BBS9: variants seen among roughly 807,000 people sequenced by gnomAD.
The protein encoded by BBS9 is Bardet-Biedl syndrome 9.
A neutral mutation model predicts 117.7 loss-of-function variants in BBS9; 89 were observed. The observed-to-expected ratio is 0.76, with a 90% CI of 0.64 to 0.90. BBS9 has a LOEUF of 0.90. Ranked by LOEUF, BBS9 falls within the 40% of genes least tolerant of loss-of-function variation. The pLI is 0.00. For missense variants in BBS9, 982 were observed against 1,042.2 expected, an observed-to-expected ratio of 0.94 and a Z score of 0.80; for synonymous variants, 379 against 370.9, an observed-to-expected ratio of 1.02 and a Z score of -0.25.
intron 19 of BBS9, among the ~76,000 whole-genome samples, chr7:33,459,847 T>C (rs1258456881): frequency 3.3e-5 from 5 of 152,160 alleles, no homozygotes; most frequent in Non-Finnish European, 7.4e-5. Flanking sequence ...ACTTGGTCTT[T>C]ACCATATATT....
chr7:33,480,302 C>A (rs1842356238), intron 19 of BBS9, among the ~76,000 whole-genome samples: 1 of 152,092 alleles, frequency 6.6e-6, no homozygotes. Flanking sequence ...TTATTTTGTG[C>A]AAGGCTCTAT....
Position 33,586,968 on chromosome 7 carries a change from A to G in BBS9, c.2522-17897A>G, listed in dbSNP as rs116788851. ...ACTATGCTCACTCCCTGAGTGATGG[A>G]TCCATTCATACGCCAAGCTTCAGGA... is the stretch of plus-strand genomic sequence containing the variant. On this transcript the variant is annotated intron_variant, in intron 21 of 22. Transcript: ENST00000242067. Among the ~76,000 whole-genome samples, 788 of 152,162 alleles carry G rather than the reference A, an allele frequency of 5.2e-3. 7 individuals are homozygous for G. Among genetic ancestry groups the G allele is most frequent in the African/African-American group, 0.019 (771 of 41,532 alleles).
At chr7:33,532,059 A>G (rs1354365058) in intron 20 of BBS9, among the ~76,000 whole-genome samples, 1 of 152,210 alleles carries the variant, frequency 6.6e-6, no homozygotes, top group Non-Finnish European at 1.5e-5. Context: ...ACATGCAAAC[A>G]GCACCCACGT....
At chr7:33,635,273 C>T (rs112417133) in exon 22 of BBS9, among the ~76,000 whole-genome samples, 7 of 152,304 alleles carry the variant, frequency 4.6e-5, no homozygotes, top group East Asian at 1.9e-4. Context: ...AAAAGCTAAG[C>T]GGGGTCAATC....
chr7:33,569,419 AGT>A (rs1857413659), intron 21 of BBS9, among the ~76,000 whole-genome samples: 1 of 152,002 alleles, frequency 6.6e-6, no homozygotes, highest in Non-Finnish European at 1.5e-5. Flanking sequence ...ATATATATAT[AGT>A]AGCATACAGA....
chr7:33,231,398 C>G (rs762469237), intron 5 of BBS9, among the ~76,000 whole-genome samples: 7 of 140,980 alleles, frequency 5.0e-5, no homozygotes, highest in Non-Finnish European at 1.1e-4. Flanking sequence ...TATTTCTTAG[C>G]TCTTTATTCT....
chr7:33,146,880 T>G (rs150576022), intron 2 of BBS9, among the ~76,000 whole-genome samples: 2,138 of 152,284 alleles, frequency 0.014, 54 homozygotes, highest in African/African-American at 0.049. Context: ...TTGTACTGAT[T>G]CTGTCATATT....
chr7:33,231,560 C>T (rs1055765694), intron 5 of BBS9, among the ~76,000 whole-genome samples: 3 of 151,206 alleles, frequency 2.0e-5, no homozygotes, highest in African/African-American at 7.3e-5. Flanking sequence ...TATTTGGTTC[C>T]ATATAAACTT....
chr7:33,300,120 G>T (rs1221572185), intron 9 of BBS9, among the ~76,000 whole-genome samples: 2 of 152,196 alleles, frequency 1.3e-5, no homozygotes. Flanking sequence ...GAGTAGTGTA[G>T]CTATAAGAGA....
intron 4 of BBS9, among the ~76,000 whole-genome samples, chr7:33,163,062 C>T (rs975184799): frequency 1.4e-4 from 21 of 152,014 alleles, no homozygotes; most frequent in African/African-American, 5.1e-4. Flanking sequence ...TTTGTAGAGG[C>T]GTTTTCTGCA....
Position 33,256,125 on chromosome 7 carries a change from C to T in BBS9, c.443-1111C>T, listed in dbSNP as rs190831417. ...CTGAGATCGTGCCACTGCACTCCAGCGTGGCAACAGAGTGAGACTCTGTCT... is the reference window on the plus strand; with the variant it reads ...CTGAGATCGTGCCACTGCACTCCAGTGTGGCAACAGAGTGAGACTCTGTCT... On this transcript the variant is annotated intron_variant, in intron 5 of 22. Coordinates refer to ENST00000242067, the MANE Select transcript of BBS9 (RefSeq NM_198428.3). Among the ~76,000 whole-genome samples the T allele has an allele frequency of 7.9e-3, 1,193 of 151,876 alleles. 20 individuals carry two copies. Among genetic ancestry groups the T allele is most frequent in the African/African-American group, 0.028 (1,140 of 41,388 alleles).
intron 21 of BBS9, among the ~76,000 whole-genome samples, chr7:33,581,499 C>T (rs1253374343): frequency 6.6e-6 from 1 of 152,062 alleles, no homozygotes; most frequent in Non-Finnish European, 1.5e-5. Context: ...AGCAATTGTG[C>T]AAGAAGGCTC....
intron 9 of BBS9, among the ~76,000 whole-genome samples, chr7:33,293,490 T>G (rs1209508774): frequency 2.6e-5 from 4 of 152,302 alleles, no homozygotes; most frequent in Non-Finnish European, 4.4e-5. Context: ...ACATTCATAC[T>G]GTATAATGCA....
intron 9 of BBS9, among the ~76,000 whole-genome samples, chr7:33,321,312 T>C (rs778124907): frequency 8.5e-5 from 13 of 152,152 alleles, no homozygotes; most frequent in Admixed American, 3.3e-4. Flanking sequence ...GTGTATAGAT[T>C]GCTTTGGGTA....
At chr7:33,434,092 C>A (rs1421837287) in intron 19 of BBS9, among the ~76,000 whole-genome samples, 1 of 151,122 alleles carries the variant, frequency 6.6e-6, no homozygotes, top group Non-Finnish European at 1.5e-5. Flanking sequence ...AATATTTTTT[C>A]ATAGTTTTTT....
chr7:33,307,790 A>C (rs1012437165), intron 9 of BBS9, among the ~76,000 whole-genome samples: 1 of 139,354 alleles, frequency 7.2e-6, no homozygotes, highest in East Asian at 2.1e-4. Flanking sequence ...TTTTTTTAGT[A>C]TTTTTGATCC....
At chr7:33,329,917 T>C (rs1813659442) in intron 9 of BBS9, among the ~76,000 whole-genome samples, 6 of 152,198 alleles carry the variant, frequency 3.9e-5, no homozygotes, top group Admixed American at 3.9e-4. Context: ...ATGTGTGAAT[T>C]GTCTGTAGAT....
At chr7:33,190,713 G>T (rs907030222) in intron 5 of BBS9, among the ~76,000 whole-genome samples, 2 of 152,126 alleles carry the variant, frequency 1.3e-5, no homozygotes, top group Admixed American at 6.5e-5. Context: ...CTCGTAGAAG[G>T]CTCAACAAAA....
chr7:33,377,417 C>A (rs1030532545), intron 17 of BBS9, among the ~76,000 whole-genome samples: 22 of 152,188 alleles, frequency 1.4e-4, no homozygotes, highest in African/African-American at 5.1e-4. Flanking sequence ...GTTTTGTTTA[C>A]TGTAGCCCTG....
Sources: allele counts gnomAD v4.1 joint callset (sites outside exome capture counted in the v4.1 genomes callset), GRCh38; gene constraint gnomAD v4.1.1; transcripts MANE v1.5; gene names NCBI Gene and HGNC (gene_info 2026-07-23, HGNC 2026-07-21).